The following INCA1 variants were observed in gnomAD, a reference collection of about 807,000 sequenced individuals.
INCA1 encodes protein INCA1.
In INCA1, 28 loss-of-function variants were observed where a neutral mutation model predicts 25.7. The ratio of observed to expected loss-of-function variants is 1.09; its 90% CI spans 0.81 to 1.49. The LOEUF is 1.49. Ranked by LOEUF, INCA1 falls within the 40% of genes most tolerant of loss-of-function variation. INCA1 has a pLI of 0.00. For synonymous variants in INCA1, 111 were observed against 103.6 expected (o/e 1.07, Z -0.43); for missense variants, 309 against 290.9 (o/e 1.06, Z -0.45).
upstream of INCA1, among the ~76,000 whole-genome samples, chr17:4,997,340 C>T (rs1974364535): frequency 6.6e-6 from 1 of 152,172 alleles, no homozygotes. Flanking sequence ...AGGGACGCCC[C>T]GGGTCTGAGA....
intron 1 of INCA1, among the ~76,000 whole-genome samples, chr17:4,996,489 C>T (rs551200130): frequency 1.1e-4 from 16 of 151,628 alleles, no homozygotes; most frequent in Non-Finnish European, 2.1e-4. Context: ...CGAGACCAGC[C>T]TGGCCAACAC....
chr17:4,989,019 T>C (rs2143155095), intron 5 of INCA1, 75 bp from the exon 6 acceptor site: 1 of 1,454,466 alleles, frequency 6.9e-7, no homozygotes, highest in South Asian at 1.3e-5. Flanking sequence ...CACCTTTCTG[T>C]TCTGAAATAC....
intron 2 of INCA1, among the ~76,000 whole-genome samples, chr17:4,992,178 CTGTG>C (rs1365705950): frequency 1.3e-5 from 2 of 152,126 alleles, no homozygotes; most frequent in African/African-American, 4.8e-5. Context: ...ATTTTCTCTA[CTGTG>C]TTTGTTTGAA....
exon 6 of INCA1, chr17:4,988,857 A>G: frequency 2.5e-6 from 4 of 1,614,184 alleles, no homozygotes; most frequent in Non-Finnish European, 3.4e-6. Flanking sequence ...CAGGGTATTC[A>G]TTGGTGCTGG....
intron 2 of INCA1, among the ~76,000 whole-genome samples, chr17:4,993,329 G>A (rs1339473249): frequency 9.9e-5 from 15 of 151,674 alleles, no homozygotes; most frequent in Non-Finnish European, 1.3e-4. Context: ...ACAGGCATGC[G>A]CCACCACACT....
chr17:4,990,192 A>G, exon 3 of INCA1: 1 of 1,614,204 alleles, frequency 6.2e-7, no homozygotes, highest in Non-Finnish European at 8.5e-7. Context: ...ACATCTCCAT[A>G]ACGCTGGGGC....
chr17:4,989,837 C>G, intron 4 of INCA1, 53 bp downstream of exon 4: 1 of 1,613,502 alleles, frequency 6.2e-7, no homozygotes, highest in African/African-American at 1.3e-5. Flanking sequence ...GACAGGACAG[C>G]AGTGGGTGCA....
chr17:4,988,453 G>C, exon 7 of INCA1: 1 of 1,613,474 alleles, frequency 6.2e-7, no homozygotes, highest in Non-Finnish European at 8.5e-7. Flanking sequence ...TGTGAAGGGG[G>C]TTCCTTCTGG....
At chr17:4,993,751 A>G (rs1373888763) in intron 2 of INCA1, among the ~76,000 whole-genome samples, 2 of 140,638 alleles carry the variant, frequency 1.4e-5, no homozygotes, top group African/African-American at 2.7e-5. Flanking sequence ...TACAGGTGTG[A>G]GCCACCGTGC....
chr17:4,989,940 CAA>C lies in INCA1; in HGVS notation c.159-13_159-12del. ...TCCAGCCAAGTGGGGCTGTGAAGAA[CAA>C]AAAGGGGGCTATAAGTGCAGAGGGG... On this transcript the variant is annotated splice_polypyrimidine_tract_variant and intron_variant, in intron 3 of 6. Coordinates refer to ENST00000576820, the Ensembl canonical transcript of INCA1. The C allele has an allele frequency of 6.2e-7, 1 of 1,613,422 alleles. No homozygotes were observed.
intron 2 of INCA1, among the ~76,000 whole-genome samples, chr17:4,992,692 CCTT>C (rs1428072596): frequency 2.1e-5 from 3 of 143,186 alleles, no homozygotes; most frequent in Admixed American, 7.1e-5. Context: ...TTCTTTCTCT[CCTT>C]CTTTCCCTCC....
At chr17:4,995,136 A>T (rs1397617707) in intron 1 of INCA1, among the ~76,000 whole-genome samples, 3 of 151,850 alleles carry the variant, frequency 2.0e-5, no homozygotes, top group Non-Finnish European at 4.4e-5. Flanking sequence ...ACCAGGGAGT[A>T]GGAAGTTGCA....
upstream of INCA1, chr17:4,997,162 G>C (rs1457152772): frequency 1.3e-5 from 2 of 152,578 alleles, no homozygotes; most frequent in East Asian, 3.9e-4. Flanking sequence ...GAAGCGCCGG[G>C]CCGGAGGGCG....
intron 5 of INCA1, 52 bp downstream of exon 5, chr17:4,989,376 C>G: frequency 6.5e-7 from 1 of 1,542,832 alleles, no homozygotes. Flanking sequence ...TCAAACTGTT[C>G]TGCCCCCAAA....
chr17:4,995,648 G>A (rs1307195145), intron 1 of INCA1, among the ~76,000 whole-genome samples: 1 of 152,056 alleles, frequency 6.6e-6, no homozygotes, highest in African/African-American at 2.4e-5. Context: ...AAAAAAAGTT[G>A]GCTGGGTGTG....
At chr17:4,995,099 G>C (rs750173384) in intron 1 of INCA1, among the ~76,000 whole-genome samples, 5 of 151,980 alleles carry the variant, frequency 3.3e-5, no homozygotes, top group Admixed American at 6.5e-5. Context: ...CAGCTACTCC[G>C]GAGGCTGAGG....
chr17:4,988,340 C>T (rs1973512210), exon 7 of INCA1: 2 of 1,507,266 alleles, frequency 1.3e-6, no homozygotes, highest in Non-Finnish European at 8.9e-7. Context: ...GAGGGTGACT[C>T]TAGTGACGGA....
chr17:4,991,767 C>T (rs1973891070), intron 2 of INCA1, among the ~76,000 whole-genome samples: 1 of 152,164 alleles, frequency 6.6e-6, no homozygotes, highest in South Asian at 2.1e-4. Context: ...ACTCAAATGC[C>T]CAGTTGCTAA....
At chr17:4,995,265 G>A (rs1001673259) in intron 1 of INCA1, among the ~76,000 whole-genome samples, 4 of 152,112 alleles carry the variant, frequency 2.6e-5, no homozygotes, top group African/African-American at 9.7e-5. Context: ...GTTGAAGATA[G>A]TGAGCACAGG....
Sources: gnomAD v4.1 joint callset for allele counts (sites outside exome capture counted in the v4.1 genomes callset) on GRCh38, gnomAD v4.1.1 for gene constraint, MANE v1.5 for transcripts, NCBI Gene and HGNC (gene_info 2026-07-23, HGNC 2026-07-21) for gene names.